Variants in PCF11 observed in about 807,000 individuals in gnomAD.
PCF11 encodes pre-mRNA cleavage complex 2 protein Pcf11.
In PCF11, 19 loss-of-function variants were observed where a neutral mutation model predicts 166.1. The observed-to-expected ratio is 0.11, with a 90% CI of 0.08 to 0.17. PCF11 has a LOEUF of 0.17. PCF11 is among the 10% of genes least tolerant of loss of function. The pLI is 1.00. For synonymous variants in PCF11, 663 were observed against 644.1 expected (o/e 1.03, Z -0.44); for missense variants, 1,565 against 1,855.5 (o/e 0.84, Z 2.88).
exon 16 of PCF11, chr11:83,186,333 A>ATACT (rs1394070631): frequency 1.3e-5 from 2 of 152,220 alleles, no homozygotes; most frequent in African/African-American, 4.8e-5. Context: ...AAGGCTTAAA[A>ATACT]TACTTTTGTG....
chr11:83,182,952 C>A (rs993277336), intron 14 of PCF11, 86 bp from the exon 15 acceptor site: 36 of 852,346 alleles, frequency 4.2e-5, no homozygotes, highest in Non-Finnish European at 6.3e-5. Context: ...CAAAGACTAT[C>A]TTCTGGCTTA....
At chr11:83,184,446 C>T (rs1216855697) in intron 15 of PCF11, 2 of 454,024 alleles carry the variant, frequency 4.4e-6, no homozygotes, top group Admixed American at 9.0e-5. Context: ...TGTATAATGT[C>T]CTATAACTTA....
At chr11:83,169,741 AATG>A (rs1466067199) in exon 8 of PCF11, 15 of 1,613,820 alleles carry the variant, frequency 9.3e-6, no homozygotes, top group Non-Finnish European at 1.3e-5. Flanking sequence ...TGGTCCATAT[AATG>A]ATCCACCTGG....
At chr11:83,184,468 C>T in intron 15 of PCF11, 1 of 507,700 alleles carries the variant, frequency 2.0e-6, no homozygotes, top group Non-Finnish European at 3.4e-6. Context: ...CTGTTAACTG[C>T]TTAACTCACT....
exon 5 of PCF11, chr11:83,166,426 T>C (rs1325762186): frequency 2.5e-6 from 4 of 1,613,870 alleles, no homozygotes; most frequent in African/African-American, 2.7e-5. Flanking sequence ...CAAAGAAGTA[T>C]GTCTCCAACA....
At chr11:83,172,515 G>T (rs1051269151) in intron 9 of PCF11, among the ~76,000 whole-genome samples, 1 of 152,016 alleles carries the variant, frequency 6.6e-6, no homozygotes. Flanking sequence ...CTCTGCCTCC[G>T]GGGTTCAAGC....
At chr11:83,179,808 T>G (rs918958985) in intron 11 of PCF11, among the ~76,000 whole-genome samples, 3 of 151,838 alleles carry the variant, frequency 2.0e-5, no homozygotes, top group African/African-American at 7.2e-5. Context: ...TCCCAGCTAC[T>G]CGGGAGGCTG....
exon 5 of PCF11, chr11:83,166,183 A>C: frequency 1.2e-6 from 2 of 1,605,936 alleles, no homozygotes; most frequent in Non-Finnish European, 1.7e-6. Context: ...GCAGAAAAAA[A>C]GGATAAAGAT....
At chr11:83,169,078 C>G in exon 8 of PCF11, 1 of 1,613,184 alleles carries the variant, frequency 6.2e-7, no homozygotes, top group Non-Finnish European at 8.5e-7. Context: ...TGTAGGTGGA[C>G]TTAGATTTGA....
rs756361485 is a variant in PCF11, at chr11:83,161,243, G to C, written c.193-84G>C. The C allele has an allele frequency of 3.8e-5, 40 of 1,059,976 alleles. 1 individual carries two copies. Among genetic ancestry groups the C allele is most frequent in the Non-Finnish European group, 5.5e-5 (40 of 725,454 alleles). 65.7% of individuals were successfully genotyped at this position (1,059,976 alleles called of 1,614,324 possible). A position where few individuals can be genotyped will look rare whatever the true frequency, so the allele number is the denominator to read the frequency against. Reference sequence around the variant, plus strand: ...TTAGTATCAACAAAAATAGAGGTCTGTATTGTAGGTTTAAAAACTCATTTT... The same window carrying C: ...TTAGTATCAACAAAAATAGAGGTCTCTATTGTAGGTTTAAAAACTCATTTT... On this transcript the variant is annotated intron_variant, in intron 1 of 15. Coordinates refer to ENST00000298281, the Ensembl canonical transcript of PCF11.
At chr11:83,179,541 A>G (rs1861011363) in intron 11 of PCF11, among the ~76,000 whole-genome samples, 1 of 151,898 alleles carries the variant, frequency 6.6e-6, no homozygotes, top group Non-Finnish European at 1.5e-5. Context: ...TGAGCCACCT[A>G]TTTCTTATAA....
chr11:83,163,223 T>C (rs1401370783), intron 2 of PCF11, among the ~76,000 whole-genome samples: 2 of 152,248 alleles, frequency 1.3e-5, no homozygotes, highest in African/African-American at 4.8e-5. Flanking sequence ...CCCAACCATA[T>C]AGTATTGCTG....
In PCF11 at chr11:83,178,706, G is replaced by A. The variant is rs369994576; in HGVS notation, c.3983+887G>A. ...CGGGTGCCTGTAGTCCCAGCTACTCGGGAGGCTGAGGCAGGAGAATGGTGT... is the reference window on the plus strand; with the variant it reads ...CGGGTGCCTGTAGTCCCAGCTACTCAGGAGGCTGAGGCAGGAGAATGGTGT... On this transcript the variant is annotated intron_variant, in intron 11 of 15. Transcript: ENST00000298281. Among the ~76,000 whole-genome samples, 335 of 151,828 alleles carry A rather than the reference G, an allele frequency of 2.2e-3. 4 individuals carry two copies. Among genetic ancestry groups the A allele is most frequent in the East Asian group, 9.5e-3 (49 of 5,158 alleles).
chr11:83,171,772 T>C (rs759297080), intron 8 of PCF11, 46 bp from the exon 9 acceptor site: 2 of 972,890 alleles, frequency 2.1e-6, no homozygotes, highest in East Asian at 2.4e-5. Context: ...AAAGTTTTAC[T>C]TGAAATATAG....
chr11:83,182,973 G>A, intron 14 of PCF11, 65 bp from the exon 15 acceptor site: 1 of 942,142 alleles, frequency 1.1e-6, no homozygotes, highest in South Asian at 1.5e-5. Context: ...AAGTTAAAAA[G>A]AAATATCAGA....
chr11:83,170,061 A>T, intron 8 of PCF11, 66 bp downstream of exon 8: 1 of 1,296,330 alleles, frequency 7.7e-7, no homozygotes, highest in South Asian at 1.5e-5. Flanking sequence ...TGTTTCTAGG[A>T]GGGTTTTCAG....
At chr11:83,173,719 CTTTTTTTTT>C (rs869126679) in intron 9 of PCF11, among the ~76,000 whole-genome samples, 3 of 59,070 alleles carry the variant, frequency 5.1e-5, no homozygotes, top group East Asian at 6.6e-4. Flanking sequence ...TTCTTTCTTT[CTTTTTTTTT>C]TTTTTTTTTT....
intron 15 of PCF11, 51 bp from the exon 16 acceptor site, chr11:83,184,628 T>C: frequency 8.3e-7 from 1 of 1,206,708 alleles, no homozygotes. Context: ...TGTTATTTAA[T>C]GTGAGAATTT....
In PCF11 at chr11:83,167,047, G is replaced by A. The variant is rs942625653; in HGVS notation, c.1818-78G>A. ...TATGCCCATTTTAACCATATCCTTT[G>A]AAAAGAATCTTTAAATATGGTCCTG... On this transcript the variant is annotated intron_variant, in intron 5 of 15. Transcript: ENST00000298281. The surrounding 1 kb of genome is among the most constrained non-coding windows in gnomAD (Gnocchi z 4.2). 7.6e-6 allele frequency: 9 copies of A among 1,182,072 alleles called. No individual in the cohort carries two copies. The highest frequency in any genetic ancestry group is 9.6e-6 in the Non-Finnish European group (8 of 829,908). The allele number at this position is 1,182,072 out of a possible 1,614,324, so 73.2% of individuals were successfully genotyped here. A position where few individuals can be genotyped will look rare whatever the true frequency, so the allele number is the denominator to read the frequency against.
Sources: gnomAD v4.1 joint callset for allele counts (sites outside exome capture counted in the v4.1 genomes callset) on GRCh38, gnomAD v4.1.1 for gene constraint, Gnocchi (gnomAD v3.1) non-coding constraint, MANE v1.5 for transcripts, NCBI Gene and HGNC (gene_info 2026-07-23, HGNC 2026-07-21) for gene names.